Variants in AP3S2 observed in about 807,000 individuals in gnomAD.
AP3S2 encodes the protein AP-3 complex subunit sigma-2.
In AP3S2, 22 loss-of-function variants were observed where a neutral mutation model predicts 23.4. That is an observed-to-expected ratio of 0.94 (90% CI 0.67 to 1.34). The LOEUF is 1.34. Ranked by LOEUF, AP3S2 falls within the 40% of genes most tolerant of loss-of-function variation. AP3S2 has a pLI of 0.00. For missense variants in AP3S2, 241 were observed against 236.9 expected, an observed-to-expected ratio of 1.02 and a Z score of -0.11; for synonymous variants, 86 against 87.1, an observed-to-expected ratio of 0.99 and a Z score of 0.07.
intron 5 of AP3S2, among the ~76,000 whole-genome samples, chr15:89,836,388 G>A (rs1227520826): frequency 6.6e-5 from 10 of 152,160 alleles, no homozygotes; most frequent in African/African-American, 1.4e-4. Context: ...TTATTGAAAC[G>A]TGCAAAGTCA....
At chr15:89,868,718 AG>A (rs1896230625) in intron 4 of AP3S2, among the ~76,000 whole-genome samples, 1 of 118,120 alleles carries the variant, frequency 8.5e-6, no homozygotes, top group African/African-American at 3.4e-5. Flanking sequence ...CCGCCCGGCC[AG>A]CCGCCCCGTC....
At chr15:89,888,425 A>T in intron 3 of AP3S2, 96 bp downstream of exon 3, 1 of 1,199,820 alleles carries the variant, frequency 8.3e-7, no homozygotes, top group Non-Finnish European at 1.2e-6. Context: ...TACTAGTATC[A>T]ATAAGGAGAT....
intron 3 of AP3S2, among the ~76,000 whole-genome samples, chr15:89,879,700 G>T (rs1896525247): frequency 6.6e-6 from 1 of 151,914 alleles, no homozygotes; most frequent in African/African-American, 2.4e-5. Context: ...CCACCTCCTG[G>T]GTTCAAGTGA....
chr15:89,868,392 G>A (rs2141877217), intron 4 of AP3S2, among the ~76,000 whole-genome samples: 1 of 70,534 alleles, frequency 1.4e-5, no homozygotes, highest in African/African-American at 5.4e-5. Context: ...AGGGAGGTGG[G>A]GGGGTCAGCC....
At chr15:89,875,304 G>A (rs892240892) in intron 3 of AP3S2, among the ~76,000 whole-genome samples, 3 of 152,222 alleles carry the variant, frequency 2.0e-5, no homozygotes, top group African/African-American at 4.8e-5. Context: ...AGATAGGGTA[G>A]TTATCCAGGA....
At chr15:89,881,883 C>T (rs187444229) in intron 3 of AP3S2, among the ~76,000 whole-genome samples, 13 of 151,466 alleles carry the variant, frequency 8.6e-5, no homozygotes, top group Admixed American at 5.3e-4. Context: ...CGCAATGGCA[C>T]GATCTCAGCT....
intron 1 of AP3S2, among the ~76,000 whole-genome samples, chr15:89,892,670 T>TTG (rs58320096): frequency 0.47 from 70,855 of 151,392 alleles, 16,756 homozygotes; most frequent in East Asian, 0.6. Context: ...ATATACTTTT[T>TTG]TGTGTGTGTG....
intron 3 of AP3S2, among the ~76,000 whole-genome samples, chr15:89,887,967 A>G (rs1203748150): frequency 6.6e-6 from 1 of 152,254 alleles, no homozygotes; most frequent in Non-Finnish European, 1.5e-5. Flanking sequence ...CTATAAGCCC[A>G]TAGGTGGAAA....
At position 89,835,348 on chromosome 15, in the gene AP3S2, AGGAATCC is replaced by A. The variant is rs1895162610; in HGVS notation, c.*160_*166del. ...CTGGGTGCACCCGAGCAGTGTCAAT[AGGAATCC>A]CTTCCCTATTCCATGCCAAACAGTC... On this transcript the variant is annotated 3_prime_UTR_variant, in exon 6 of 6. Transcript: ENST00000336418. 5.8e-6 allele frequency: 7 copies of A among 1,212,982 alleles called. No homozygotes were observed. The African/African-American group carries it at 1.1e-4, about 18-fold the overall frequency. The allele number at this position is 1,212,982 out of a possible 1,614,324, so 75.1% of individuals were successfully genotyped here.
chr15:89,841,157 A>G (rs749458376), intron 4 of AP3S2, among the ~76,000 whole-genome samples: 1 of 152,230 alleles, frequency 6.6e-6, no homozygotes, highest in Non-Finnish European at 1.5e-5. Flanking sequence ...GATGTCGTGG[A>G]GACTAGTGGC....
intron 1 of AP3S2, among the ~76,000 whole-genome samples, chr15:89,891,177 C>A (rs545431993): frequency 6.6e-6 from 1 of 152,226 alleles, no homozygotes; most frequent in African/African-American, 2.4e-5. Context: ...GGTAAACTAC[C>A]AATTGCTTAC....
At chr15:89,892,515 A>C (rs1370642900) in intron 1 of AP3S2, among the ~76,000 whole-genome samples, 2 of 152,200 alleles carry the variant, frequency 1.3e-5, no homozygotes, top group Non-Finnish European at 2.9e-5. Context: ...CTATAAGTAA[A>C]TAACATAAAA....
chr15:89,855,556 G>A (rs1895808630), intron 4 of AP3S2, among the ~76,000 whole-genome samples: 1 of 148,180 alleles, frequency 6.7e-6, no homozygotes, highest in Non-Finnish European at 1.5e-5. Flanking sequence ...AAAAAAGAAT[G>A]GACTTTCCCA....
intron 4 of AP3S2, among the ~76,000 whole-genome samples, chr15:89,861,888 A>T (rs1393815757): frequency 6.6e-6 from 1 of 152,216 alleles, no homozygotes; most frequent in Non-Finnish European, 1.5e-5. Flanking sequence ...GGCAAGCTTT[A>T]GGGTGGTAGG....
At chr15:89,884,836 G>A (rs921304456) in intron 3 of AP3S2, among the ~76,000 whole-genome samples, 1 of 151,984 alleles carries the variant, frequency 6.6e-6, no homozygotes, top group Non-Finnish European at 1.5e-5. Flanking sequence ...TTTTAGTAGA[G>A]ACAAGGTTTC....
chr15:89,841,149 T>A (rs972036503), intron 4 of AP3S2, among the ~76,000 whole-genome samples: 3 of 152,224 alleles, frequency 2.0e-5, no homozygotes, highest in African/African-American at 7.2e-5. Context: ...TAACACATGA[T>A]GTCGTGGAGA....
intron 3 of AP3S2, chr15:89,878,164 A>G: frequency 3.6e-6 from 2 of 555,130 alleles, no homozygotes; most frequent in South Asian, 2.4e-5. Context: ...CCACTGGTAC[A>G]TAATCCAGCA....
chr15:89,891,526 G>A (rs1896820387), intron 1 of AP3S2, among the ~76,000 whole-genome samples: 1 of 151,982 alleles, frequency 6.6e-6, no homozygotes, highest in South Asian at 2.1e-4. Context: ...AGGCATGGTC[G>A]TGGGCACCTG....
intron 4 of AP3S2, among the ~76,000 whole-genome samples, chr15:89,856,898 G>T (rs1040968228): frequency 1.4e-5 from 2 of 147,104 alleles, no homozygotes; most frequent in Non-Finnish European, 3.0e-5. Context: ...GAAAAGAAAA[G>T]AAAAGAAAAA....
Sources: gnomAD v4.1 joint callset for allele counts (sites outside exome capture counted in the v4.1 genomes callset) on GRCh38, gnomAD v4.1.1 for gene constraint, MANE v1.5 for transcripts, NCBI Gene and HGNC (gene_info 2026-07-23, HGNC 2026-07-21) for gene names.